Variants in XKR4 observed in about 807,000 individuals in gnomAD.
The protein encoded by XKR4 is XK related 4.
In XKR4, 12 loss-of-function variants were observed where a neutral mutation model predicts 53.9. That is an observed-to-expected ratio of 0.22 (90% CI 0.14 to 0.36). The LOEUF (loss-of-function observed/expected upper bound fraction) is 0.36. XKR4 is among the 10% of genes least tolerant of loss of function. The probability of loss-of-function intolerance (pLI) is 1.00; values close to 1 mark genes in which losing one functional copy is unlikely to be tolerated. For missense variants in XKR4, 799 were observed against 859.5 expected, an observed-to-expected ratio of 0.93 and a Z score of 0.88; for synonymous variants, 354 against 362.4, an observed-to-expected ratio of 0.98 and a Z score of 0.26.
chr8:55,289,851 G>GGAAAGAAAGAAAGAAA lies in XKR4; in HGVS notation c.807-67786_807-67771dup, dbSNP rs541321670. Reference sequence around the variant, plus strand: ...GGAAGGAAGGAAGAGAAAGAAAGAAGGAAAGAAAGAAAGAAAGAAAGAAAG... The same window carrying GGAAAGAAAGAAAGAAA: ...GGAAGGAAGGAAGAGAAAGAAAGAAGGAAAGAAAGAAAGAAAGAAAGAAAGAAAGAAAGAAAGAAAG... On this transcript the variant is annotated intron_variant, in intron 1 of 2. Coordinates refer to ENST00000327381, the MANE Select transcript of XKR4 (RefSeq NM_052898.2). 5.8e-3 allele frequency among the ~76,000 whole-genome samples: 782 copies of GGAAAGAAAGAAAGAAA among 135,682 alleles called. 6 individuals are homozygous for GGAAAGAAAGAAAGAAA. The highest frequency in any genetic ancestry group is 0.013 in the African/African-American group (424 of 33,200). 89.0% of individuals were successfully genotyped at this position (135,682 alleles called of 152,430 possible).
At chr8:55,118,603 C>G (rs998563808) in intron 1 of XKR4, among the ~76,000 whole-genome samples, 1 of 152,220 alleles carries the variant, frequency 6.6e-6, no homozygotes, top group Non-Finnish European at 1.5e-5. Context: ...GTATCAGATA[C>G]AGCTAGTCTT....
intron 1 of XKR4, among the ~76,000 whole-genome samples, chr8:55,192,000 G>T (rs539259424): frequency 6.6e-6 from 1 of 151,478 alleles, no homozygotes; most frequent in African/African-American, 2.4e-5. Flanking sequence ...CTTTGAGAGA[G>T]TTCTGCCTTA....
intron 2 of XKR4, among the ~76,000 whole-genome samples, chr8:55,421,252 C>A (rs1016052844): frequency 3.3e-5 from 5 of 150,366 alleles, no homozygotes; most frequent in Non-Finnish European, 5.9e-5. Context: ...GCAATCAAAC[C>A]TCTGGTAGAT....
chr8:55,411,312 C>G (rs77725453), intron 2 of XKR4, among the ~76,000 whole-genome samples: 3 of 152,142 alleles, frequency 2.0e-5, no homozygotes, highest in African/African-American at 4.8e-5. Flanking sequence ...TCATCAAATT[C>G]TTGTGAGGAT....
chr8:55,203,202 C>T (rs909318452), intron 1 of XKR4, among the ~76,000 whole-genome samples: 2 of 152,230 alleles, frequency 1.3e-5, no homozygotes, highest in African/African-American at 4.8e-5. Flanking sequence ...CCGCCAAGCA[C>T]GGCGCCTGTA....
chr8:55,187,323 A>AAG (rs1554567490), intron 1 of XKR4, among the ~76,000 whole-genome samples: 32 of 151,664 alleles, frequency 2.1e-4, no homozygotes, highest in Non-Finnish European at 3.8e-4. Context: ...AAAAAAAAAA[A>AAG]AAGAAGAAGA....
intron 2 of XKR4, among the ~76,000 whole-genome samples, chr8:55,480,007 T>C (rs987476521): frequency 6.8e-6 from 1 of 147,340 alleles, no homozygotes; most frequent in Non-Finnish European, 1.5e-5. Flanking sequence ...TCTGAAACTA[T>C]TCCAATCAAT....
chr8:55,147,341 G>A (rs1019730189), intron 1 of XKR4, among the ~76,000 whole-genome samples: 3 of 152,246 alleles, frequency 2.0e-5, no homozygotes, highest in African/African-American at 7.2e-5. Context: ...AAAGCCTTGG[G>A]CCACTTAGGT....
chr8:55,479,871 G>C (rs1315373064), intron 2 of XKR4, among the ~76,000 whole-genome samples: 1 of 152,136 alleles, frequency 6.6e-6, no homozygotes, highest in Non-Finnish European at 1.5e-5. Flanking sequence ...TCTCTGAATA[G>C]ACCAATAACA....
At chr8:55,131,397 CT>C (rs1816552393) in intron 1 of XKR4, among the ~76,000 whole-genome samples, 1 of 152,212 alleles carries the variant, frequency 6.6e-6, no homozygotes, top group Non-Finnish European at 1.5e-5. Flanking sequence ...GCCTTCTCTA[CT>C]TTCTCTGAAT....
intron 1 of XKR4, among the ~76,000 whole-genome samples, chr8:55,314,791 G>A: frequency 6.6e-6 from 1 of 152,168 alleles, no homozygotes; most frequent in Non-Finnish European, 1.5e-5. Flanking sequence ...TTCACACTCT[G>A]AACCTCAATT....
chr8:55,456,251 G>C (rs1025579800), intron 2 of XKR4, among the ~76,000 whole-genome samples: 1 of 152,126 alleles, frequency 6.6e-6, no homozygotes, highest in Non-Finnish European at 1.5e-5. Context: ...GACCAACATG[G>C]AGAAACCCTG....
chr8:55,408,524 C>T (rs562987945), intron 2 of XKR4, among the ~76,000 whole-genome samples: 1 of 152,228 alleles, frequency 6.6e-6, no homozygotes, highest in African/African-American at 2.4e-5. Flanking sequence ...TGGTGCAGGC[C>T]CCAAAGGAAC....
intron 1 of XKR4, among the ~76,000 whole-genome samples, chr8:55,246,286 C>G (rs1237615905): frequency 6.6e-6 from 1 of 152,138 alleles, no homozygotes; most frequent in African/African-American, 2.4e-5. Flanking sequence ...CTCCTCAGTG[C>G]CTCAGGGGCA....
At chr8:55,494,695 C>T (rs1199650229) in intron 2 of XKR4, among the ~76,000 whole-genome samples, 5 of 152,188 alleles carry the variant, frequency 3.3e-5, no homozygotes, top group Admixed American at 6.5e-5. Context: ...CAGAGAGTGC[C>T]GCTCCTCTCT....
chr8:55,321,210 C>T (rs571034786), intron 1 of XKR4, among the ~76,000 whole-genome samples: 1 of 152,298 alleles, frequency 6.6e-6, no homozygotes, highest in South Asian at 2.1e-4. Flanking sequence ...TTCGAGTTCT[C>T]TCTTCCAATA....
At chr8:55,189,369 A>G (rs979129518) in intron 1 of XKR4, among the ~76,000 whole-genome samples, 9 of 152,238 alleles carry the variant, frequency 5.9e-5, no homozygotes, top group South Asian at 4.1e-4. Flanking sequence ...TCATGCCTCA[A>G]TGAACGGCGG....
intron 1 of XKR4, among the ~76,000 whole-genome samples, chr8:55,179,498 G>A (rs1009871337): frequency 6.6e-6 from 1 of 152,174 alleles, no homozygotes; most frequent in Non-Finnish European, 1.5e-5. Flanking sequence ...TTGATCATTA[G>A]AAAGTAATCT....
chr8:55,516,549 G>A (rs1291946423), intron 2 of XKR4, among the ~76,000 whole-genome samples: 1 of 152,160 alleles, frequency 6.6e-6, no homozygotes, highest in East Asian at 1.9e-4. Flanking sequence ...ATGATGTTGG[G>A]AAGACAGGGA....
Sources: gnomAD v4.1 joint callset for allele counts (sites outside exome capture counted in the v4.1 genomes callset) on GRCh38, gnomAD v4.1.1 for gene constraint, MANE v1.5 for transcripts, NCBI Gene and HGNC (gene_info 2026-07-23, HGNC 2026-07-21) for gene names.